The following IL1RAP variants were observed in gnomAD, a reference collection of about 807,000 sequenced individuals.
IL1RAP encodes interleukin 1 receptor accessory protein.
Under a neutral mutation model 60.7 loss-of-function variants are expected in IL1RAP, and 35 were observed. That is an observed-to-expected ratio of 0.58 (90% CI 0.44 to 0.76). The LOEUF (loss-of-function observed/expected upper bound fraction) is 0.76. Among genes scored for constraint, IL1RAP ranks in the 30% least tolerant of loss-of-function variants. The probability of loss-of-function intolerance (pLI) is 0.00; values close to 1 mark genes in which losing one functional copy is unlikely to be tolerated. For missense variants in IL1RAP, 572 were observed against 693.9 expected (o/e 0.82, Z 1.97); for synonymous variants, 268 against 250.9 (o/e 1.07, Z -0.64).
At chr3:190,604,955 T>G (rs1730175393) in intron 4 of IL1RAP, among the ~76,000 whole-genome samples, 1 of 152,200 alleles carries the variant, frequency 6.6e-6, no homozygotes, top group Non-Finnish European at 1.5e-5. Context: ...TTATCATTTC[T>G]GTCAGACACT....
At chr3:190,564,132 G>C in intron 2 of IL1RAP, 157 bp from the exon 3 acceptor site, 1 of 581,628 alleles carries the variant, frequency 1.7e-6, no homozygotes, top group Non-Finnish European at 3.1e-6. Flanking sequence ...AATAAAACCT[G>C]TCTTATTGGT....
At chr3:190,515,775 G>C (rs1721458208) in intron 1 of IL1RAP, among the ~76,000 whole-genome samples, 1 of 151,440 alleles carries the variant, frequency 6.6e-6, no homozygotes, top group Admixed American at 6.6e-5. Context: ...TTCTATCCTT[G>C]CTCTCTTAGG....
chr3:190,568,286 T>C (rs1268686236), intron 3 of IL1RAP, among the ~76,000 whole-genome samples: 1 of 152,172 alleles, frequency 6.6e-6, no homozygotes, highest in African/African-American at 2.4e-5. Context: ...ACCTGTTTGA[T>C]AGTTTAGGAA....
intron 1 of IL1RAP, among the ~76,000 whole-genome samples, chr3:190,515,794 G>C (rs1291885505): frequency 6.6e-6 from 1 of 151,440 alleles, no homozygotes; most frequent in Non-Finnish European, 1.5e-5. Flanking sequence ...GGTCAGTCGA[G>C]CAACCTTACA....
intron 3 of IL1RAP, among the ~76,000 whole-genome samples, chr3:190,575,199 C>T (rs1049789317): frequency 3.3e-5 from 5 of 152,256 alleles, no homozygotes; most frequent in African/African-American, 1.2e-4. Flanking sequence ...TCCTGGGCAC[C>T]TGTTATGTGC....
chr3:190,522,324 TCCTTCCTTCCTTCCTTCCTC>T (rs1274481809), intron 1 of IL1RAP, among the ~76,000 whole-genome samples: 4 of 123,116 alleles, frequency 3.2e-5, no homozygotes, highest in East Asian at 2.2e-4. Context: ...CTTCCTTCCT[TCCTTCCTTCCTTCCTTCCTC>T]CCTCCCTCCC....
intron 9 of IL1RAP, among the ~76,000 whole-genome samples, chr3:190,639,996 T>C (rs1043978801): frequency 1.1e-4 from 16 of 152,168 alleles, no homozygotes; most frequent in African/African-American, 3.9e-4. Context: ...TGCCTAACCT[T>C]TTAAAGTATT....
At chr3:190,527,826 T>TACACACACACACACAC (rs10602405) in intron 1 of IL1RAP, among the ~76,000 whole-genome samples, 1 of 139,622 alleles carries the variant, frequency 7.2e-6, no homozygotes. Context: ...AGGAAAGGTC[T>TACACACACACACACAC]ACACACACAC....
At chr3:190,517,816 G>A (rs542416912) in intron 1 of IL1RAP, 1 of 152,302 alleles carries the variant, frequency 6.6e-6, no homozygotes, top group South Asian at 2.1e-4. Flanking sequence ...ATTATCTCCA[G>A]CCTATACACA....
chr3:190,637,679 C>CAT (rs1733329165), intron 9 of IL1RAP, among the ~76,000 whole-genome samples: 1 of 151,910 alleles, frequency 6.6e-6, no homozygotes, highest in Non-Finnish European at 1.5e-5. Flanking sequence ...TTGAGAAATG[C>CAT]ATATATATAT....
intron 5 of IL1RAP, 122 bp downstream of exon 5, chr3:190,609,303 T>TG: frequency 4.3e-5 from 27 of 632,568 alleles, no homozygotes; most frequent in Admixed American, 1.4e-4. Context: ...TATTCCGTAA[T>TG]AGCTTTATGG....
intron 9 of IL1RAP, among the ~76,000 whole-genome samples, chr3:190,638,746 T>G (rs1733421610): frequency 6.6e-6 from 1 of 152,132 alleles, no homozygotes; most frequent in African/African-American, 2.4e-5. Context: ...TTTTCATGAA[T>G]GGTGTGTAGT....
At chr3:190,621,764 G>C (rs1731800372) in intron 6 of IL1RAP, among the ~76,000 whole-genome samples, 1 of 143,722 alleles carries the variant, frequency 7.0e-6, no homozygotes, top group African/African-American at 2.8e-5. Flanking sequence ...TCATTTTAGA[G>C]TTATGAAAAA....
intron 3 of IL1RAP, among the ~76,000 whole-genome samples, chr3:190,574,189 C>T (rs1727245754): frequency 6.6e-6 from 1 of 151,340 alleles, no homozygotes; most frequent in Non-Finnish European, 1.5e-5. Flanking sequence ...AACCAGTTAC[C>T]AAAACAGAAT....
chr3:190,623,557 G>T, intron 7 of IL1RAP, 142 bp downstream of exon 7: 1 of 688,120 alleles, frequency 1.5e-6, no homozygotes. Flanking sequence ...AACCAAAGCA[G>T]CTGTGGAGAT....
At chr3:190,553,751 T>C (rs939237331) in intron 1 of IL1RAP, among the ~76,000 whole-genome samples, 4 of 151,850 alleles carry the variant, frequency 2.6e-5, no homozygotes, top group African/African-American at 9.7e-5. Context: ...AAGTCTGAGG[T>C]TGAGAAGGTT....
At chr3:190,547,942 G>A (rs1412817069) in intron 1 of IL1RAP, among the ~76,000 whole-genome samples, 1 of 152,128 alleles carries the variant, frequency 6.6e-6, no homozygotes, top group Non-Finnish European at 1.5e-5. Context: ...AGTAAGGGGG[G>A]CCTCTCCGAG....
At chr3:190,516,504 G>A (rs190988022) in intron 1 of IL1RAP, among the ~76,000 whole-genome samples, 18 of 152,268 alleles carry the variant, frequency 1.2e-4, no homozygotes, top group African/African-American at 3.4e-4. Context: ...CCATATATAT[G>A]TATAGAACTT....
intron 3 of IL1RAP, among the ~76,000 whole-genome samples, chr3:190,593,766 G>T (rs1729150391): frequency 6.6e-6 from 1 of 152,058 alleles, no homozygotes; most frequent in South Asian, 2.1e-4. Flanking sequence ...GGGAATTATG[G>T]GAGCTACAAT....
Sources: allele counts gnomAD v4.1 joint callset (sites outside exome capture counted in the v4.1 genomes callset), GRCh38; gene constraint gnomAD v4.1.1; transcripts MANE v1.5; gene names NCBI Gene and HGNC (gene_info 2026-07-23, HGNC 2026-07-21).